Variants in FUNDC2 observed in about 807,000 individuals in gnomAD.
The protein encoded by FUNDC2 is FUN14 domain-containing protein 2.
A neutral mutation model predicts 15.6 loss-of-function variants in FUNDC2; 4 were observed. The observed-to-expected ratio is 0.26, with a 90% CI of 0.13 to 0.59. The LOEUF (loss-of-function observed/expected upper bound fraction) is 0.59. Ranked by LOEUF, FUNDC2 falls within the 20% of genes least tolerant of loss-of-function variation. FUNDC2 has a pLI of 0.90. For synonymous variants in FUNDC2, 44 were observed against 56.9 expected, an observed-to-expected ratio of 0.77 and a Z score of 1.02; for missense variants, 98 against 149.7, an observed-to-expected ratio of 0.65 and a Z score of 1.80.
chrX:155,033,914 A>T (rs1420366272), intron 2 of FUNDC2, among the ~76,000 whole-genome samples: 2 of 112,625 alleles, frequency 1.8e-5, no homozygotes, highest in Non-Finnish European at 1.9e-5. Context: ...ACTACTTATT[A>T]GCTATGTCAG....
At chrX:155,043,795 C>T (rs1347552138) in intron 2 of FUNDC2, among the ~76,000 whole-genome samples, 4 of 112,097 alleles carry the variant, frequency 3.6e-5, no homozygotes, top group Non-Finnish European at 3.8e-5. Flanking sequence ...ATTTCAGAGT[C>T]GCTTCAGAAA....
intron 2 of FUNDC2, among the ~76,000 whole-genome samples, chrX:155,039,656 C>A (rs1205358569): frequency 9.0e-6 from 1 of 111,689 alleles, no homozygotes; most frequent in African/African-American, 3.3e-5. Context: ...ACTGTAAATA[C>A]GTGGATTTAT....
At chrX:155,050,341 G>A (rs1557290374) in intron 3 of FUNDC2, 2 of 111,852 alleles carry the variant, frequency 1.8e-5, no homozygotes, top group South Asian at 3.7e-4. Context: ...TAGGCCAGGC[G>A]ATACTGCAGG....
At position 155,056,506 on chromosome X, in the gene FUNDC2, C is replaced by T; in HGVS notation, c.*1834C>T. ...GCATGATTTGGATAAGTCTCTTAACCTTATAGATCCTCCTCTATTTTTTTT... is the reference window on the plus strand; with the variant it reads ...GCATGATTTGGATAAGTCTCTTAACTTTATAGATCCTCCTCTATTTTTTTT... On this transcript the variant is annotated 3_prime_UTR_variant, in exon 5 of 5. Coordinates refer to ENST00000369498, the MANE Select transcript of FUNDC2 (RefSeq NM_023934.4). 9.8e-6 allele frequency: 1 copy of T among 102,023 alleles called. No homozygotes were observed. The highest frequency in any genetic ancestry group is 4.7e-4 in the South Asian group (1 of 2,119). The allele number at this position is 102,023 out of a possible 1,213,427, so 8.4% of individuals were successfully genotyped here.
chrX:155,045,687 C>T (rs188542055), intron 2 of FUNDC2, among the ~76,000 whole-genome samples: 10 of 110,862 alleles, frequency 9.0e-5, no homozygotes, highest in Admixed American at 8.6e-4. Flanking sequence ...ACAAAAGAGA[C>T]GGCCTCAAAG....
intron 2 of FUNDC2, among the ~76,000 whole-genome samples, chrX:155,038,416 T>C (rs1557289333): frequency 8.9e-6 from 1 of 111,915 alleles, no homozygotes; most frequent in African/African-American, 3.3e-5. Flanking sequence ...AAATATATAA[T>C]ATGTTGTTAT....
At chrX:155,036,693 C>T (rs1383921098) in intron 2 of FUNDC2, among the ~76,000 whole-genome samples, 4 of 110,016 alleles carry the variant, frequency 3.6e-5, no homozygotes, top group African/African-American at 6.6e-5. Context: ...GTTTTTTTTG[C>T]GTATGGGTAT....
At chrX:155,038,785 G>C (rs1322887049) in intron 2 of FUNDC2, among the ~76,000 whole-genome samples, 6 of 112,424 alleles carry the variant, frequency 5.3e-5, no homozygotes, top group African/African-American at 1.9e-4. Flanking sequence ...CTTGGATATT[G>C]TGAATAGTTG....
chrX:155,034,042 A>C (rs1557288962), intron 2 of FUNDC2, among the ~76,000 whole-genome samples: 1 of 112,673 alleles, frequency 8.9e-6, no homozygotes, highest in Non-Finnish European at 1.9e-5. Flanking sequence ...ACATTTGAAA[A>C]ATTTTATAGC....
At chrX:155,041,766 C>T (rs1313290871) in intron 2 of FUNDC2, among the ~76,000 whole-genome samples, 6 of 111,007 alleles carry the variant, frequency 5.4e-5, no homozygotes, top group African/African-American at 1.3e-4. Context: ...CCCCTTCAGG[C>T]TCCTTTTAAG....
chrX:155,060,174 T>TA lies in FUNDC2; in HGVS notation c.*5506dup, dbSNP rs2073921972. ...TAACTCAGTAAAAATAACTTGGCAA[T>TA]AAAACACAGAAAAACAATCTATTTG... On this transcript the variant is annotated 3_prime_UTR_variant, in exon 5 of 5. Transcript: ENST00000369498. The TA allele has an allele frequency of 8.9e-6, 1 of 112,498 alleles. No homozygotes were observed. The highest frequency in any genetic ancestry group is 3.2e-5 in the African/African-American group (1 of 30,941). 9.3% of individuals were successfully genotyped at this position (112,498 alleles called of 1,213,427 possible).
chrX:155,030,821 G>A (rs1259403563), intron 1 of FUNDC2, among the ~76,000 whole-genome samples: 1 of 107,866 alleles, frequency 9.3e-6, no homozygotes, highest in African/African-American at 3.4e-5. Flanking sequence ...GAGTAGCTGG[G>A]ATTACAGGCG....
intron 2 of FUNDC2, among the ~76,000 whole-genome samples, chrX:155,034,203 T>A (rs781801121): frequency 2.1e-4 from 24 of 112,766 alleles, no homozygotes; most frequent in South Asian, 7.2e-4. Flanking sequence ...ATTTCATTGC[T>A]TTTCTTTGTA....
rs2073896486 is a variant in FUNDC2 at position 155,056,345 on chromosome X, T to C, written c.*1673T>C. 1 of 111,575 alleles carries C rather than the reference T, an allele frequency of 9.0e-6. No homozygotes were observed. Among genetic ancestry groups the C allele is most frequent in the Non-Finnish European group, 1.9e-5 (1 of 53,133 alleles). The allele number at this position is 111,575 out of a possible 1,213,427, so 9.2% of individuals were successfully genotyped here. ...AAAAGGTAAGAATTATTTCTAAAAA[T>C]CATAAATACCTCATCATATCAGACA... On this transcript the variant is annotated 3_prime_UTR_variant, in exon 5 of 5. Coordinates refer to ENST00000369498, the MANE Select transcript of FUNDC2 (RefSeq NM_023934.4).
intron 2 of FUNDC2, among the ~76,000 whole-genome samples, chrX:155,034,167 G>C (rs1298725073): frequency 8.9e-6 from 1 of 112,563 alleles, no homozygotes; most frequent in Admixed American, 9.3e-5. Context: ...TAGCGCCCTA[G>C]AAACTCGAGA....
intron 2 of FUNDC2, among the ~76,000 whole-genome samples, chrX:155,041,993 C>A: frequency 1.0e-5 from 1 of 100,055 alleles, no homozygotes. Flanking sequence ...GGCGTGAACC[C>A]GGGAGGCAGA....
Position 155,054,744 on chromosome X carries a change from C to T in FUNDC2, c.*72C>T, listed in dbSNP as rs915553865. ...GCCTCTACACTCCATCATAGGACAT[C>T]GAGTCCCTCCTCCTCTTCTCCCATG... On this transcript the variant is annotated 3_prime_UTR_variant, in exon 5 of 5. Coordinates refer to ENST00000369498, the MANE Select transcript of FUNDC2 (RefSeq NM_023934.4). 33 of 896,778 alleles carry T rather than the reference C, an allele frequency of 3.7e-5. No individual in the cohort carries two copies. Among genetic ancestry groups the T allele is most frequent in the South Asian group, 2.7e-4 (13 of 48,554 alleles). The allele number at this position is 896,778 out of a possible 1,213,427, so 73.9% of individuals were successfully genotyped here. A position where few individuals can be genotyped will look rare whatever the true frequency, so the allele number is the denominator to read the frequency against.
chrX:155,055,286 C>A lies in FUNDC2; in HGVS notation c.*614C>A. 1 of 296,507 alleles carries A rather than the reference C, an allele frequency of 3.4e-6. No individual in the cohort carries two copies. The highest frequency in any genetic ancestry group is 5.9e-6 in the Non-Finnish European group (1 of 170,082). 24.4% of individuals were successfully genotyped at this position (296,507 alleles called of 1,213,427 possible). A position where few individuals can be genotyped will look rare whatever the true frequency, so the allele number is the denominator to read the frequency against. ...AGGATAATGTATCTCATGGCTGTTT[C>A]CAAAGGGTTTATTTATTGTAAAACA... On this transcript the variant is annotated 3_prime_UTR_variant, in exon 5 of 5. Coordinates refer to ENST00000369498, the MANE Select transcript of FUNDC2 (RefSeq NM_023934.4).
At chrX:155,044,183 C>T (rs997726329) in intron 2 of FUNDC2, among the ~76,000 whole-genome samples, 1 of 111,853 alleles carries the variant, frequency 8.9e-6, no homozygotes, top group Admixed American at 9.5e-5. Context: ...TCCCAGGCTG[C>T]GGTTTGTCGA....
Sources: allele counts gnomAD v4.1 joint callset (sites outside exome capture counted in the v4.1 genomes callset), GRCh38; gene constraint gnomAD v4.1.1; transcripts MANE v1.5; gene names NCBI Gene and HGNC (gene_info 2026-07-23, HGNC 2026-07-21).